Variants in PRKAR1B observed in about 807,000 individuals in gnomAD.
The protein encoded by PRKAR1B is protein kinase cAMP-dependent type I regulatory subunit beta.
A neutral mutation model predicts 46.5 loss-of-function variants in PRKAR1B; 22 were observed. That is an observed-to-expected ratio of 0.47 (90% CI 0.34 to 0.68). The LOEUF (loss-of-function observed/expected upper bound fraction) is 0.68. Ranked by LOEUF, PRKAR1B falls within the 30% of genes least tolerant of loss-of-function variation. PRKAR1B has a pLI of 0.01. For synonymous variants in PRKAR1B, 259 were observed against 217.7 expected, an observed-to-expected ratio of 1.19 and a Z score of -1.67; for missense variants, 445 against 535.6, an observed-to-expected ratio of 0.83 and a Z score of 1.67.
intron 4 of PRKAR1B, among the ~76,000 whole-genome samples, chr7:617,180 G>C (rs535784981): frequency 9.2e-5 from 14 of 152,010 alleles, no homozygotes; most frequent in African/African-American, 3.4e-4. Flanking sequence ...TTTCAGTAGA[G>C]ACAGGGGTTT....
rs115443463 is a variant in PRKAR1B at position 628,238 on chromosome 7, T to C, written c.441-20786A>G. Among the ~76,000 whole-genome samples the C allele has an allele frequency of 6.5e-3, 987 of 152,354 alleles. 10 individuals are homozygous for C. Among genetic ancestry groups the C allele is most frequent in the African/African-American group, 0.023 (941 of 41,584 alleles). ...GCTCTGCGGGCACCGGATCTGCCTCTGCATCCCACAGGCTGGACCCAGCCT... is the reference window on the plus strand; with the variant it reads ...GCTCTGCGGGCACCGGATCTGCCTCCGCATCCCACAGGCTGGACCCAGCCT... On this transcript the variant is annotated intron_variant, in intron 4 of 10. Coordinates refer to ENST00000537384, the MANE Select transcript of PRKAR1B (RefSeq NM_001164760.2).
chr7:722,678 T>C (rs990330470), intron 1 of PRKAR1B, among the ~76,000 whole-genome samples: 1 of 152,280 alleles, frequency 6.6e-6, no homozygotes, highest in African/African-American at 2.4e-5. Context: ...AGCTGGTTCT[T>C]ATGACTCTGC....
At chr7:559,417 G>C (rs1452906102) in intron 9 of PRKAR1B, among the ~76,000 whole-genome samples, 1 of 152,200 alleles carries the variant, frequency 6.6e-6, no homozygotes, top group Non-Finnish European at 1.5e-5. Context: ...GCTCAGGGCA[G>C]TCAGAAGGGA....
chr7:550,157 C>G lies in PRKAR1B; in HGVS notation c.*273G>C. The G allele has an allele frequency of 2.2e-6, 1 of 445,506 alleles. No individual in the cohort carries two copies. The highest frequency in any genetic ancestry group is 2.2e-5 in the South Asian group (1 of 44,462). The allele number at this position is 445,506 out of a possible 1,614,324, so 27.6% of individuals were successfully genotyped here. A position where few individuals can be genotyped will look rare whatever the true frequency, so the allele number is the denominator to read the frequency against. On this transcript the variant is annotated 3_prime_UTR_variant, in exon 11 of 11. Coordinates refer to ENST00000537384, the MANE Select transcript of PRKAR1B (RefSeq NM_001164760.2). Reference sequence around the variant, plus strand: ...TGGGGTGGGCCCCCCAGGAGAAGCCCACAGAGGCAGCCGGGGAGGCGTGTG... The same window carrying G: ...TGGGGTGGGCCCCCCAGGAGAAGCCGACAGAGGCAGCCGGGGAGGCGTGTG...
At chr7:697,870 C>A (rs1414976145) in intron 2 of PRKAR1B, among the ~76,000 whole-genome samples, 1 of 123,032 alleles carries the variant, frequency 8.1e-6, no homozygotes, top group Non-Finnish European at 1.6e-5. Flanking sequence ...CAAGGGAAGG[C>A]GAAGGAAAGG....
At chr7:702,135 T>G (rs1268372116) in intron 2 of PRKAR1B, among the ~76,000 whole-genome samples, 1 of 152,138 alleles carries the variant, frequency 6.6e-6, no homozygotes, top group Non-Finnish European at 1.5e-5. Context: ...GATGGAAAAC[T>G]TGTATGTTTT....
intron 9 of PRKAR1B, among the ~76,000 whole-genome samples, chr7:571,983 T>A (rs1251684152): frequency 6.6e-6 from 1 of 152,214 alleles, no homozygotes; most frequent in Admixed American, 6.5e-5. Flanking sequence ...GGCACAGAGA[T>A]GACACTTCTG....
chr7:603,522 A>T (rs1299708613), intron 6 of PRKAR1B, among the ~76,000 whole-genome samples: 1 of 152,186 alleles, frequency 6.6e-6, no homozygotes, highest in Non-Finnish European at 1.5e-5. Flanking sequence ...CCTCCTCGTC[A>T]CAAGTGCCAG....
chr7:668,295 G>A (rs1270893229), intron 4 of PRKAR1B, among the ~76,000 whole-genome samples: 2 of 152,236 alleles, frequency 1.3e-5, no homozygotes, highest in Non-Finnish European at 2.9e-5. Context: ...GCAAAGCTAT[G>A]AAGCTCAGCT....
rs182217681 is a variant in PRKAR1B at position 724,303 on chromosome 7, T to C, written c.-23+2907A>G. ...TTGTAGCTCCCACAATTCCCACGTG[T>C]TGTGGGAAGGACCCAGTGGGAGGTA... On this transcript the variant is annotated intron_variant, in intron 1 of 10. Transcript: ENST00000537384. Among the ~76,000 whole-genome samples the C allele has an allele frequency of 1.4e-3, 220 of 152,252 alleles. 3 individuals are homozygous for C. Among genetic ancestry groups the C allele is most frequent in the Admixed American group, 0.011 (167 of 15,294 alleles).
chr7:719,295 C>T (rs969010360), intron 1 of PRKAR1B, among the ~76,000 whole-genome samples: 14 of 152,184 alleles, frequency 9.2e-5, no homozygotes, highest in African/African-American at 2.9e-4. Flanking sequence ...CCGCCTTAGC[C>T]TCCCAAAGTG....
intron 4 of PRKAR1B, chr7:608,490 T>G (rs1200912841): frequency 6.6e-6 from 1 of 152,290 alleles, no homozygotes; most frequent in East Asian, 1.9e-4. Flanking sequence ...AAATAGTGGT[T>G]GTTTTCTCTC....
chr7:569,000 A>G (rs1482451421), intron 9 of PRKAR1B, among the ~76,000 whole-genome samples: 2 of 149,060 alleles, frequency 1.3e-5, no homozygotes, highest in South Asian at 2.1e-4. Flanking sequence ...GGTGCTTTTT[A>G]GAGTTGTTAT....
intron 8 of PRKAR1B, among the ~76,000 whole-genome samples, chr7:582,130 G>A (rs1211138290): frequency 6.6e-6 from 1 of 152,086 alleles, no homozygotes. Flanking sequence ...GCAGCCACAG[G>A]ACGAGACGTC....
Position 680,469 on chromosome 7 carries a change from G to A in PRKAR1B, c.348+87C>T, listed in dbSNP as rs116370940. ...ACACTGAGACCCCCAGGAGGATGAG[G>A]GTGCCCCGTGGGCTTCCAGGGAGCT... On this transcript the variant is annotated intron_variant, in intron 3 of 10. Coordinates refer to ENST00000537384, the MANE Select transcript of PRKAR1B (RefSeq NM_001164760.2). 1.3e-3 allele frequency: 1,684 copies of A among 1,322,678 alleles called. 15 individuals carry two copies. The African/African-American group carries it at 0.023, about 18-fold the overall frequency. The allele number at this position is 1,322,678 out of a possible 1,614,324, so 81.9% of individuals were successfully genotyped here.
intron 4 of PRKAR1B, among the ~76,000 whole-genome samples, chr7:616,008 A>AAGAGAC (rs1554293514): frequency 2.0e-5 from 3 of 149,294 alleles, no homozygotes; most frequent in African/African-American, 7.4e-5. Context: ...AAAAGGAAGA[A>AAGAGAC]AGAGAGAGAG....
intron 4 of PRKAR1B, among the ~76,000 whole-genome samples, chr7:616,733 G>C (rs1160257988): frequency 6.6e-6 from 1 of 152,170 alleles, no homozygotes; most frequent in Non-Finnish European, 1.5e-5. Context: ...CTAAGGTGTG[G>C]TTCCCAGTCA....
intron 4 of PRKAR1B, among the ~76,000 whole-genome samples, chr7:664,159 AGCCAGCTGGTGAATTCCTCAC>A (rs1785774422): frequency 6.6e-6 from 1 of 152,096 alleles, no homozygotes; most frequent in African/African-American, 2.4e-5. Context: ...CCCCATCCCC[AGCCAGCTGGTGAATTCCTCAC>A]ACCCGCTGGC....
chr7:586,909 A>AGTGGTGATGGTGATGGTG, intron 7 of PRKAR1B, among the ~76,000 whole-genome samples: 1 of 139,792 alleles, frequency 7.2e-6, no homozygotes, highest in Non-Finnish European at 1.5e-5. Context: ...TTTTTGAGAC[A>AGTGGTGATGGTGATGGTG]GTCTCACTCT....
Sources: allele counts gnomAD v4.1 joint callset (sites outside exome capture counted in the v4.1 genomes callset), GRCh38; gene constraint gnomAD v4.1.1; transcripts MANE v1.5; gene names NCBI Gene and HGNC (gene_info 2026-07-23, HGNC 2026-07-21).